The following UBE2E2 variants were observed in gnomAD, a reference collection of about 807,000 sequenced individuals.
UBE2E2 encodes ubiquitin conjugating enzyme E2 E2.
A neutral mutation model predicts 24.7 loss-of-function variants in UBE2E2; 6 were observed. The ratio of observed to expected loss-of-function variants is 0.24; its 90% confidence interval spans 0.13 to 0.48. The LOEUF is 0.48. Among genes scored for constraint, UBE2E2 ranks in the 20% least tolerant of loss-of-function variants. The pLI is 0.99. For synonymous variants in UBE2E2, 104 were observed against 83.6 expected (o/e 1.24, Z -1.33); for missense variants, 169 against 245.0 (o/e 0.69, Z 2.07).
intron 3 of UBE2E2, among the ~76,000 whole-genome samples, chr3:23,290,606 C>A (rs1296227596): frequency 6.6e-6 from 1 of 151,822 alleles, no homozygotes. Flanking sequence ...GAGAACGTGC[C>A]CAGTTAAGGA....
At chr3:23,523,817 AAG>A (rs1305744435) in intron 4 of UBE2E2, among the ~76,000 whole-genome samples, 3 of 111,236 alleles carry the variant, frequency 2.7e-5, no homozygotes, top group African/African-American at 1.7e-4. Context: ...TGAAATCTCA[AAG>A]AGGGGATTTT....
intron 3 of UBE2E2, among the ~76,000 whole-genome samples, chr3:23,466,646 C>T (rs1031933050): frequency 2.0e-5 from 3 of 152,152 alleles, no homozygotes; most frequent in Non-Finnish European, 2.9e-5. Flanking sequence ...CAGTTCACTG[C>T]AACCTCCGCC....
Position 23,459,494 on chromosome 3 carries a change from C to T in UBE2E2, c.228-40114C>T, listed in dbSNP as rs143854113. ...TCATGAGAAAATAAGTGAGTAGTAA[C>T]AGGACCATAATGTTTTTACAAATCC... On this transcript the variant is annotated intron_variant, in intron 3 of 5. Transcript: ENST00000396703. 5.5e-4 allele frequency among the ~76,000 whole-genome samples: 84 copies of T among 152,292 alleles called. 3 individuals are homozygous for T. The East Asian group carries it at 0.015, about 27-fold the overall frequency.
upstream of UBE2E2, chr3:23,203,276 G>A (rs1696009688): frequency 4.0e-6 from 4 of 988,004 alleles, no homozygotes; most frequent in Non-Finnish European, 4.8e-6. Context: ...AGTCCGGGCG[G>A]GCGCGAGCGC....
intron 3 of UBE2E2, among the ~76,000 whole-genome samples, chr3:23,232,381 G>C (rs989695725): frequency 2.6e-5 from 4 of 152,156 alleles, no homozygotes; most frequent in African/African-American, 9.6e-5. Flanking sequence ...ACGTAGTCAA[G>C]AAATAAAAAT....
At chr3:23,390,088 ATCTT>A (rs2125359948) in intron 3 of UBE2E2, among the ~76,000 whole-genome samples, 1 of 152,206 alleles carries the variant, frequency 6.6e-6, no homozygotes, top group South Asian at 2.1e-4. Flanking sequence ...GGGCTGGTTG[ATCTT>A]TCTTCCAGGA....
chr3:23,308,671 G>C (rs982654378), intron 3 of UBE2E2, among the ~76,000 whole-genome samples: 2 of 152,110 alleles, frequency 1.3e-5, no homozygotes, highest in African/African-American at 4.8e-5. Flanking sequence ...GTATTAGTCA[G>C]GGTTCTCCAG....
intron 3 of UBE2E2, among the ~76,000 whole-genome samples, chr3:23,468,327 C>G (rs1018779422): frequency 6.6e-6 from 1 of 152,130 alleles, no homozygotes; most frequent in African/African-American, 2.4e-5. Flanking sequence ...CTTATTTCTC[C>G]AATAAAATCT....
At chr3:23,325,845 A>G (rs907541523) in intron 3 of UBE2E2, among the ~76,000 whole-genome samples, 36 of 152,226 alleles carry the variant, frequency 2.4e-4, no homozygotes, top group African/African-American at 7.2e-4. Flanking sequence ...TATCCTGGCA[A>G]AATTATCAAT....
intron 3 of UBE2E2, among the ~76,000 whole-genome samples, chr3:23,487,871 G>T (rs939938671): frequency 6.6e-6 from 1 of 152,062 alleles, no homozygotes; most frequent in Non-Finnish European, 1.5e-5. Flanking sequence ...TTTGCTGTTA[G>T]TCTTCTGGTT....
intron 3 of UBE2E2, among the ~76,000 whole-genome samples, chr3:23,257,512 G>GGCC (rs1697762836): frequency 3.2e-5 from 1 of 31,144 alleles, no homozygotes; most frequent in Non-Finnish European, 5.9e-5. Flanking sequence ...TGTTTCCCGT[G>GGCC]CCCCCCCCCC....
At chr3:23,234,711 GTCTCTT>G (rs895603115) in intron 3 of UBE2E2, among the ~76,000 whole-genome samples, 7 of 152,104 alleles carry the variant, frequency 4.6e-5, no homozygotes, top group African/African-American at 1.7e-4. Flanking sequence ...TAGAATAAAT[GTCTCTT>G]TCTAAGTGTT....
intron 3 of UBE2E2, among the ~76,000 whole-genome samples, chr3:23,383,858 A>G (rs552168854): frequency 6.6e-6 from 1 of 151,940 alleles, no homozygotes; most frequent in Admixed American, 6.5e-5. Context: ...GAATAGGGAA[A>G]TAGTATATCC....
At chr3:23,533,162 G>A (rs73043697) in intron 5 of UBE2E2, among the ~76,000 whole-genome samples, 19,677 of 152,024 alleles carry the variant, frequency 0.13, 1,360 homozygotes, top group Middle Eastern at 0.2. Context: ...CTATTATAAC[G>A]GTCCTGAATG....
chr3:23,585,264 C>T (rs1193327071), intron 5 of UBE2E2, among the ~76,000 whole-genome samples: 1 of 148,930 alleles, frequency 6.7e-6, no homozygotes, highest in African/African-American at 2.5e-5. Flanking sequence ...CCCAGCTACT[C>T]AAGAAGTTGA....
chr3:23,361,336 C>A (rs917589672), intron 3 of UBE2E2, among the ~76,000 whole-genome samples: 8 of 151,910 alleles, frequency 5.3e-5, no homozygotes, highest in Non-Finnish European at 1.2e-4. Flanking sequence ...GGTATCTACC[C>A]AAAGGAAAAT....
intron 3 of UBE2E2, among the ~76,000 whole-genome samples, chr3:23,467,566 T>G (rs1296884937): frequency 6.6e-6 from 1 of 152,214 alleles, no homozygotes; most frequent in Non-Finnish European, 1.5e-5. Context: ...TGTAGGATAC[T>G]ATAAAAGGGT....
At chr3:23,403,600 C>A (rs547603920) in intron 3 of UBE2E2, among the ~76,000 whole-genome samples, 1 of 152,260 alleles carries the variant, frequency 6.6e-6, no homozygotes, top group South Asian at 2.1e-4. Context: ...GCGAGTGGAT[C>A]ACCCAAGGTC....
chr3:23,330,267 A>G (rs951894973), intron 3 of UBE2E2, among the ~76,000 whole-genome samples: 2 of 152,250 alleles, frequency 1.3e-5, no homozygotes, highest in African/African-American at 4.8e-5. Flanking sequence ...TAAATGTAAT[A>G]CTTTCAATTA....
Sources: allele counts gnomAD v4.1 joint callset (sites outside exome capture counted in the v4.1 genomes callset), GRCh38; gene constraint gnomAD v4.1.1; transcripts MANE v1.5; gene names NCBI Gene and HGNC (gene_info 2026-07-23, HGNC 2026-07-21).